PTPRD: variants seen among roughly 807,000 people sequenced by gnomAD.
The protein encoded by PTPRD is receptor-type tyrosine-protein phosphatase delta.
In PTPRD, 34 loss-of-function variants were observed where a neutral mutation model predicts 214.5. The ratio of observed to expected loss-of-function variants is 0.16; its 90% CI spans 0.12 to 0.21. The LOEUF (loss-of-function observed/expected upper bound fraction) is 0.21, where lower values mean the gene tolerates loss of function less well. Among genes scored for constraint, PTPRD ranks in the 10% least tolerant of loss-of-function variants. The probability of loss-of-function intolerance (pLI) is 1.00; values close to 1 mark genes in which losing one functional copy is unlikely to be tolerated. For synonymous variants in PTPRD, 1,128 were observed against 845.7 expected (o/e 1.33, Z -5.79); for missense variants, 2,545 against 2,398.7 (o/e 1.06, Z -1.27).
intron 10 of PTPRD, among the ~76,000 whole-genome samples, chr9:9,039,401 G>A (rs1803038766): frequency 6.6e-6 from 1 of 152,142 alleles, no homozygotes; most frequent in Non-Finnish European, 1.5e-5. Context: ...CTGCAGTGAA[G>A]GTAGGTGTAC....
intron 8 of PTPRD, among the ~76,000 whole-genome samples, chr9:9,467,710 C>A (rs562126760): frequency 6.7e-6 from 1 of 148,496 alleles, no homozygotes; most frequent in East Asian, 2.0e-4. Context: ...TTATTTTGTA[C>A]TTCTATAGTT....
chr9:9,716,487 C>T (rs2097835560), intron 7 of PTPRD, among the ~76,000 whole-genome samples: 1 of 151,946 alleles, frequency 6.6e-6, no homozygotes, highest in Non-Finnish European at 1.5e-5. Context: ...AAAAGTGTTC[C>T]TATTTCTCCA....
intron 14 of PTPRD, among the ~76,000 whole-genome samples, chr9:8,559,734 C>T (rs2085414022): frequency 1.3e-5 from 2 of 152,188 alleles, no homozygotes; most frequent in South Asian, 4.1e-4. Flanking sequence ...AAACTGACAC[C>T]TGTGTTGATT....
At chr9:8,885,476 A>G (rs10759014) in intron 11 of PTPRD, among the ~76,000 whole-genome samples, 40,656 of 145,960 alleles carry the variant, frequency 0.28, 6,138 homozygotes, top group East Asian at 0.65. Flanking sequence ...TTTCCATTAT[A>G]CCACACAGCC....
intron 11 of PTPRD, among the ~76,000 whole-genome samples, chr9:8,919,391 C>CAAAA (rs5896280): frequency 1.5e-5 from 2 of 134,000 alleles, no homozygotes; most frequent in Admixed American, 1.5e-4. Context: ...GACCCTGTCT[C>CAAAA]AAAAAAAAAA....
intron 9 of PTPRD, among the ~76,000 whole-genome samples, chr9:9,305,999 G>A (rs934652169): frequency 1.3e-5 from 2 of 152,104 alleles, no homozygotes; most frequent in African/African-American, 4.8e-5. Context: ...CATCCAGTTT[G>A]TGGTATTTTC....
chr9:9,558,563 C>T (rs1023341045), intron 8 of PTPRD, among the ~76,000 whole-genome samples: 3 of 152,094 alleles, frequency 2.0e-5, no homozygotes, highest in Admixed American at 1.3e-4. Flanking sequence ...AATGCAGGTC[C>T]GATACATACA....
At chr9:9,423,025 A>T (rs10121346) in intron 8 of PTPRD, among the ~76,000 whole-genome samples, 122,534 of 152,072 alleles carry the variant, frequency 0.81, 49,500 homozygotes, top group Non-Finnish European at 0.81. Flanking sequence ...AAACCAGAAC[A>T]AAGCTGAGTC....
intron 9 of PTPRD, among the ~76,000 whole-genome samples, chr9:9,267,762 G>C (rs1008145430): frequency 5.3e-5 from 8 of 150,016 alleles, no homozygotes; most frequent in Middle Eastern, 3.2e-3. Flanking sequence ...ACATCAACAG[G>C]ATGAATTATA....
chr9:9,701,214 G>A (rs1263747499), intron 7 of PTPRD, among the ~76,000 whole-genome samples: 1 of 152,060 alleles, frequency 6.6e-6, no homozygotes, highest in Admixed American at 6.5e-5. Context: ...CATTTTGGGA[G>A]GTAACACTGA....
intron 9 of PTPRD, among the ~76,000 whole-genome samples, chr9:9,195,086 G>GTATATATACATATA (rs1554959657): frequency 1.5e-5 from 2 of 131,192 alleles, no homozygotes; most frequent in East Asian, 2.5e-4. Flanking sequence ...GTGTGTTTGT[G>GTATATATACATATA]TATATATATA....
In PTPRD at chr9:8,746,174, G is replaced by C. The variant is rs147675745; in HGVS notation, c.-103-12228C>G. Among the ~76,000 whole-genome samples, 9 of 152,210 alleles carry C rather than the reference G, an allele frequency of 5.9e-5. No individual in the cohort carries two copies. The South Asian group carries it at 1.5e-3, about 25-fold the overall frequency. ...ATTGTGACAAGGTGGGAACGGGTTA[G>C]ATTCTGAATTCACAGAGTTATACAG... is the stretch of plus-strand genomic sequence containing the variant. On this transcript the variant is annotated intron_variant, in intron 11 of 45. Transcript: ENST00000381196.
chr9:10,529,224 T>C (rs1293241158), intron 2 of PTPRD, among the ~76,000 whole-genome samples: 1 of 152,154 alleles, frequency 6.6e-6, no homozygotes, highest in Non-Finnish European at 1.5e-5. Flanking sequence ...ACTGGGTATA[T>C]ACCCAAAGGA....
chr9:8,709,247 G>A (rs576995983), intron 12 of PTPRD, among the ~76,000 whole-genome samples: 1 of 152,066 alleles, frequency 6.6e-6, no homozygotes, highest in African/African-American at 2.4e-5. Context: ...AGGCGCAGTG[G>A]CTCGCACCTG....
chr9:10,578,803 A>T (rs1238848779), intron 2 of PTPRD, among the ~76,000 whole-genome samples: 1 of 152,136 alleles, frequency 6.6e-6, no homozygotes, highest in Non-Finnish European at 1.5e-5. Context: ...TATAACTCAG[A>T]GGTTTGGGGT....
intron 11 of PTPRD, among the ~76,000 whole-genome samples, chr9:8,836,633 T>C (rs2097430077): frequency 7.3e-6 from 1 of 137,842 alleles, no homozygotes; most frequent in African/African-American, 2.6e-5. Flanking sequence ...AGTCTCGCTC[T>C]GTTGCCAGGC....
chr9:10,449,372 G>A (rs1294909042), intron 2 of PTPRD, among the ~76,000 whole-genome samples: 5 of 151,850 alleles, frequency 3.3e-5, no homozygotes, highest in South Asian at 2.1e-4. Context: ...GTGCAGTGGC[G>A]TGATCTCCGC....
intron 10 of PTPRD, among the ~76,000 whole-genome samples, chr9:9,175,217 T>C (rs1384027051): frequency 5.3e-5 from 8 of 152,262 alleles, no homozygotes; most frequent in African/African-American, 1.9e-4. Flanking sequence ...TTCTAAAACG[T>C]TGTCTTTCAT....
intron 2 of PTPRD, among the ~76,000 whole-genome samples, chr9:10,387,786 T>C (rs2097950087): frequency 6.7e-6 from 1 of 148,928 alleles, no homozygotes; most frequent in Non-Finnish European, 1.5e-5. Flanking sequence ...CTGATACCTG[T>C]TGAATACGAT....
Sources: allele counts gnomAD v4.1 joint callset (sites outside exome capture counted in the v4.1 genomes callset), GRCh38; gene constraint gnomAD v4.1.1; transcripts MANE v1.5; gene names NCBI Gene and HGNC (gene_info 2026-07-23, HGNC 2026-07-21).